CELF4: variants seen among roughly 807,000 people sequenced by gnomAD.
CELF4 encodes CUGBP Elav-like family member 4, also known as CUG-BP- and ETR-3-like factor 4.
CELF4 carries 18 observed loss-of-function variants against 59.9 expected under a neutral mutation model. That is an observed-to-expected ratio of 0.30 (90% CI 0.21 to 0.45). The LOEUF (loss-of-function observed/expected upper bound fraction) is 0.45. CELF4 is among the 20% of genes least tolerant of loss of function. CELF4 has a pLI of 1.00. For missense variants in CELF4, 456 were observed against 689.0 expected, an observed-to-expected ratio of 0.66 and a Z score of 3.79; for synonymous variants, 261 against 267.1, an observed-to-expected ratio of 0.98 and a Z score of 0.22.
At chr18:37,413,666 C>T (rs898180291) in intron 2 of CELF4, among the ~76,000 whole-genome samples, 10 of 152,270 alleles carry the variant, frequency 6.6e-5, no homozygotes, top group South Asian at 2.1e-4. Flanking sequence ...CCTGAGAGGG[C>T]ACCTCATCCT....
intron 5 of CELF4, 54 bp downstream of exon 5, chr18:37,274,751 T>C: frequency 6.6e-7 from 1 of 1,519,592 alleles, no homozygotes; most frequent in Non-Finnish European, 8.8e-7. Flanking sequence ...TGGCGGGTGC[T>C]GGGGTCTCGG....
chr18:37,302,500 GGAA>G (rs1220212390), intron 3 of CELF4, among the ~76,000 whole-genome samples: 2 of 152,174 alleles, frequency 1.3e-5, no homozygotes, highest in African/African-American at 4.8e-5. Context: ...CTGCACAAAG[GGAA>G]GACAGACATG....
chr18:37,270,433 T>G (rs1343997406), intron 8 of CELF4, among the ~76,000 whole-genome samples: 2 of 152,196 alleles, frequency 1.3e-5, no homozygotes, highest in African/African-American at 4.8e-5. Context: ...TTCTTGTAGG[T>G]TAAATTCACA....
intron 2 of CELF4, among the ~76,000 whole-genome samples, chr18:37,327,788 T>G (rs377322163): frequency 3.0e-3 from 455 of 152,280 alleles, no homozygotes; most frequent in African/African-American, 0.01. Context: ...CTCTGTGCCC[T>G]CTGCTTCACG....
At chr18:37,390,105 C>T (rs1377943382) in intron 2 of CELF4, among the ~76,000 whole-genome samples, 1 of 152,238 alleles carries the variant, frequency 6.6e-6, no homozygotes, top group African/African-American at 2.4e-5. Context: ...CCCCTGCTAG[C>T]TCCAGGATGG....
chr18:37,532,692 A>C (rs1392865556), intron 1 of CELF4, among the ~76,000 whole-genome samples: 1 of 152,200 alleles, frequency 6.6e-6, no homozygotes, highest in South Asian at 2.1e-4. Flanking sequence ...TAAACCTAGC[A>C]TGTTGTCTAT....
chr18:37,352,960 G>A (rs553811460), intron 2 of CELF4, among the ~76,000 whole-genome samples: 124 of 152,158 alleles, frequency 8.1e-4, no homozygotes, highest in African/African-American at 2.9e-3. Flanking sequence ...GGTAGCTCAC[G>A]CCTGTAATCC....
chr18:37,469,346 G>A (rs2099815917), intron 2 of CELF4, among the ~76,000 whole-genome samples: 2 of 152,158 alleles, frequency 1.3e-5, no homozygotes, highest in African/African-American at 2.4e-5. Flanking sequence ...TCTGCTGGGA[G>A]GGGGCCGGGG....
In CELF4 at chr18:37,243,184, T is replaced by G. The variant is rs1400474420; in HGVS notation, c.*2058A>C. On this transcript the variant is annotated 3_prime_UTR_variant, in exon 13 of 13. Transcript: ENST00000420428. Reference sequence around the variant, plus strand: ...GCTGTTTTCTTTTTTTTTTCTTTTTTTCTTTTTTTTTTTTTTTTTTTTACA... The same window carrying G: ...GCTGTTTTCTTTTTTTTTTCTTTTTGTCTTTTTTTTTTTTTTTTTTTTACA... 1.4e-5 allele frequency: 2 copies of G among 141,848 alleles called. No homozygotes were observed. Among genetic ancestry groups the G allele is most frequent in the African/African-American group, 5.4e-5 (2 of 36,892 alleles). 8.8% of individuals were successfully genotyped at this position (141,848 alleles called of 1,614,324 possible).
intron 1 of CELF4, among the ~76,000 whole-genome samples, chr18:37,558,360 GC>G (rs2099985464): frequency 6.8e-6 from 1 of 147,086 alleles, no homozygotes; most frequent in African/African-American, 2.5e-5. Flanking sequence ...TTCCTCTGCA[GC>G]TTTTACTACC....
intron 2 of CELF4, among the ~76,000 whole-genome samples, chr18:37,363,343 A>T (rs1460050192): frequency 6.6e-6 from 1 of 152,230 alleles, no homozygotes; most frequent in Admixed American, 6.5e-5. Flanking sequence ...ACAAATAGGA[A>T]AGGAGGAAAC....
At chr18:37,476,167 A>C (rs1160775386) in intron 2 of CELF4, among the ~76,000 whole-genome samples, 1 of 152,262 alleles carries the variant, frequency 6.6e-6, no homozygotes, top group Non-Finnish European at 1.5e-5. Context: ...TGTGATTTTC[A>C]TGATAGAAAT....
At chr18:37,302,454 A>G (rs2096120508) in intron 3 of CELF4, among the ~76,000 whole-genome samples, 1 of 152,186 alleles carries the variant, frequency 6.6e-6, no homozygotes, top group African/African-American at 2.4e-5. Context: ...AGCCAGCAAC[A>G]TGGCCCCTGG....
At chr18:37,490,387 A>T (rs1249542475) in intron 1 of CELF4, among the ~76,000 whole-genome samples, 1 of 152,216 alleles carries the variant, frequency 6.6e-6, no homozygotes, top group Non-Finnish European at 1.5e-5. Flanking sequence ...AAAGGAAAAA[A>T]AAAATCTTTA....
intron 7 of CELF4, among the ~76,000 whole-genome samples, chr18:37,271,376 T>G (rs2091210350): frequency 6.8e-6 from 1 of 146,324 alleles, no homozygotes; most frequent in African/African-American, 2.5e-5. Context: ...TTCCTCAGCC[T>G]CCCAAGTAGC....
chr18:37,450,708 C>G (rs2099761037), intron 2 of CELF4, among the ~76,000 whole-genome samples: 1 of 152,116 alleles, frequency 6.6e-6, no homozygotes. Context: ...CGCCTCACCT[C>G]ATGGGCTCCC....
intron 12 of CELF4, among the ~76,000 whole-genome samples, chr18:37,249,961 G>A (rs1365326711): frequency 6.6e-6 from 1 of 152,160 alleles, no homozygotes; most frequent in Non-Finnish European, 1.5e-5. Flanking sequence ...CAGAGTCACA[G>A]GACTCACTGG....
At chr18:37,506,568 A>G (rs2099938299) in intron 1 of CELF4, among the ~76,000 whole-genome samples, 1 of 152,174 alleles carries the variant, frequency 6.6e-6, no homozygotes, top group African/African-American at 2.4e-5. Flanking sequence ...GGTTGGGCAA[A>G]CTGGAAGGGT....
intron 2 of CELF4, among the ~76,000 whole-genome samples, chr18:37,389,882 C>T (rs550272113): frequency 3.9e-5 from 6 of 152,216 alleles, no homozygotes; most frequent in South Asian, 4.1e-4. Flanking sequence ...GAGTCATGCA[C>T]GACTGTCTCA....
Sources: allele counts gnomAD v4.1 joint callset (sites outside exome capture counted in the v4.1 genomes callset), GRCh38; gene constraint gnomAD v4.1.1; transcripts MANE v1.5; gene names NCBI Gene and HGNC (gene_info 2026-07-23, HGNC 2026-07-21).